The following PRICKLE2 variants were observed in gnomAD, a reference collection of about 807,000 sequenced individuals.
PRICKLE2 encodes the protein prickle-like protein 2.
PRICKLE2 carries 21 observed loss-of-function variants against 81.4 expected under a neutral mutation model. The observed-to-expected ratio is 0.26, with a 90% CI of 0.18 to 0.37. PRICKLE2 has a LOEUF of 0.37. PRICKLE2 is among the 10% of genes least tolerant of loss of function. The pLI, the probability that PRICKLE2 is intolerant of heterozygous loss-of-function variation, is 1.00. For synonymous variants in PRICKLE2, 456 were observed against 421.5 expected, an observed-to-expected ratio of 1.08 and a Z score of -1.00; for missense variants, 940 against 1,109.0, an observed-to-expected ratio of 0.85 and a Z score of 2.16.
intron 2 of PRICKLE2, among the ~76,000 whole-genome samples, chr3:64,242,248 G>T (rs1360773508): frequency 6.6e-6 from 1 of 152,106 alleles, no homozygotes; most frequent in Non-Finnish European, 1.5e-5. Flanking sequence ...AAGGAAAAGG[G>T]CATATTTAAT....
chr3:64,099,263 A>T lies in PRICKLE2; in HGVS notation c.2323T>A (p.Cys775Ser), dbSNP rs2076614601. Reference protein sequence around the residue: ...WGPYFAEYDWCSTCSSSSESD... With the variant: ...WGPYFAEYDWSSTCSSSSESD... ...TCTGAAGAGGAGGAGCAGGTGGAAC[A>T]CCAATCATACTCGGCGAAGTAGGGT... Residue 775 changes from cysteine (C) to serine (S), a missense_variant, in exon 8 of 8, where the codon TGT (cysteine) becomes AGT (serine). Physicochemically the swap from Cys to Ser is moderately radical, Grantham distance 112. This residue lies in a region of PRICKLE2 where 670 missense variants were observed against 717.2 expected (regional missense o/e 0.93). Coordinates refer to ENST00000638394, the MANE Select transcript of PRICKLE2 (RefSeq NM_198859.4). The surrounding 1 kb of genome is among the most constrained non-coding windows in gnomAD (Gnocchi z 4.3). 1.2e-6 allele frequency: 2 copies of T among 1,614,130 alleles called. No homozygotes were observed. The highest frequency in any genetic ancestry group is 2.2e-5 in the South Asian group (2 of 91,088).
intron 2 of PRICKLE2, chr3:64,194,074 T>A (rs2107105910): frequency 6.6e-6 from 1 of 152,376 alleles, no homozygotes; most frequent in Middle Eastern, 3.4e-3. Flanking sequence ...TTTTCTTTTT[T>A]AATGAACAAG....
intron 2 of PRICKLE2, among the ~76,000 whole-genome samples, chr3:64,248,781 T>C (rs905503986): frequency 6.6e-6 from 1 of 152,032 alleles, no homozygotes; most frequent in African/African-American, 2.4e-5. Context: ...GAAGACTCTA[T>C]AGAAACCATG....
At chr3:64,256,852 C>A (rs1031818770) in intron 2 of PRICKLE2, among the ~76,000 whole-genome samples, 6 of 152,146 alleles carry the variant, frequency 3.9e-5, no homozygotes, top group African/African-American at 1.4e-4. Flanking sequence ...CCCTCCCTAT[C>A]CCATCAGTCA....
intron 2 of PRICKLE2, among the ~76,000 whole-genome samples, chr3:64,247,353 T>C (rs1361936205): frequency 6.6e-6 from 1 of 152,232 alleles, no homozygotes; most frequent in Non-Finnish European, 1.5e-5. Context: ...ATCCTATTTA[T>C]ACTACCTTTC....
At chr3:64,189,063 A>G (rs1006311063) in intron 2 of PRICKLE2, among the ~76,000 whole-genome samples, 1 of 152,252 alleles carries the variant, frequency 6.6e-6, no homozygotes. Flanking sequence ...AGTGCCTAGG[A>G]AAGTACTTGC....
chr3:64,252,725 T>C (rs1328916605), intron 2 of PRICKLE2, among the ~76,000 whole-genome samples: 6 of 152,178 alleles, frequency 3.9e-5, no homozygotes, highest in Admixed American at 3.3e-4. Context: ...TCATTTCCTT[T>C]CTCTGGATCT....
chr3:64,140,253 T>A (rs1218977401), intron 7 of PRICKLE2, among the ~76,000 whole-genome samples: 2 of 152,202 alleles, frequency 1.3e-5, no homozygotes, highest in Admixed American at 6.5e-5. Flanking sequence ...TATTAAACTA[T>A]AAGTCCAGTT....
intron 7 of PRICKLE2, chr3:64,100,869 T>G (rs2076648291): frequency 6.6e-6 from 1 of 152,198 alleles, no homozygotes. Flanking sequence ...CATTTTCCAC[T>G]CATTACATAT....
rs201504363 is a variant in PRICKLE2 at position 64,157,386 on chromosome 3, T to A, written c.397-21A>T. On this transcript the variant is annotated intron_variant, in intron 4 of 7. Coordinates refer to ENST00000638394, the MANE Select transcript of PRICKLE2 (RefSeq NM_198859.4). ...CCGCACTGTGAGGCAAACAGAAACA[T>A]CAGTAGTCACACTAGCCCCCATCTC... is the stretch of plus-strand genomic sequence containing the variant. 1.6e-3 allele frequency: 2,501 copies of A among 1,610,526 alleles called. 3 individuals are homozygous for A. The highest frequency in any genetic ancestry group is 2.0e-3 in the Non-Finnish European group (2,307 of 1,178,528).
intron 2 of PRICKLE2, among the ~76,000 whole-genome samples, chr3:64,261,257 G>A (rs911386201): frequency 1.3e-5 from 2 of 152,130 alleles, no homozygotes; most frequent in African/African-American, 4.8e-5. Context: ...GAGGAAAGGA[G>A]GAGAGTAATA....
intron 7 of PRICKLE2, among the ~76,000 whole-genome samples, chr3:64,121,748 C>T (rs913295646): frequency 6.6e-6 from 1 of 152,204 alleles, no homozygotes; most frequent in Admixed American, 6.5e-5. Flanking sequence ...ACAGGCCACT[C>T]ACCTTACACC....
At chr3:64,199,161 C>T in intron 1 of PRICKLE2, 194 bp from the exon 2 acceptor site, 1 of 627,576 alleles carries the variant, frequency 1.6e-6, no homozygotes, top group Non-Finnish European at 2.8e-6. Context: ...CATGTGAAAA[C>T]AGCATGAAAG....
intron 2 of PRICKLE2, among the ~76,000 whole-genome samples, chr3:64,195,662 C>T (rs1326270533): frequency 2.6e-5 from 4 of 152,174 alleles, no homozygotes; most frequent in African/African-American, 7.2e-5. Context: ...TTACAGCATA[C>T]TATACAGCTT....
chr3:64,258,475 T>C (rs140371474), intron 2 of PRICKLE2, among the ~76,000 whole-genome samples: 49 of 152,228 alleles, frequency 3.2e-4, no homozygotes, highest in African/African-American at 1.2e-3. Flanking sequence ...CAAGAGTACA[T>C]ATTGTATAAT....
intron 2 of PRICKLE2, chr3:64,174,377 G>C (rs153740): frequency 6.6e-6 from 1 of 152,042 alleles, no homozygotes; most frequent in African/African-American, 2.4e-5. Flanking sequence ...GTGATGAAAA[G>C]GTGGCTCCTG....
chr3:64,171,589 G>A (rs2077932100), intron 2 of PRICKLE2, among the ~76,000 whole-genome samples: 1 of 152,236 alleles, frequency 6.6e-6, no homozygotes, highest in South Asian at 2.1e-4. Flanking sequence ...CCCCAGAAGA[G>A]GGTCTGGCAT....
intron 2 of PRICKLE2, among the ~76,000 whole-genome samples, chr3:64,238,809 C>A (rs967936162): frequency 2.0e-5 from 3 of 152,194 alleles, no homozygotes; most frequent in Admixed American, 6.5e-5. Flanking sequence ...GCCAAACATA[C>A]AGCAGGTGCT....
intron 4 of PRICKLE2, among the ~76,000 whole-genome samples, chr3:64,158,178 T>C (rs2077669265): frequency 1.3e-5 from 2 of 152,336 alleles, no homozygotes; most frequent in South Asian, 2.1e-4. Context: ...GCCTTGAGGT[T>C]CACAGGTTGA....
Sources: allele counts gnomAD v4.1 joint callset (sites outside exome capture counted in the v4.1 genomes callset), GRCh38; gene constraint gnomAD v4.1.1; regional missense constraint gnomAD v4.1.1; non-coding constraint Gnocchi (gnomAD v3.1); transcripts MANE v1.5; gene names NCBI Gene and HGNC (gene_info 2026-07-23, HGNC 2026-07-21).